FSCN2: variants seen among roughly 807,000 people sequenced by gnomAD.
FSCN2 encodes fascin actin-bundling protein 2, retinal.
In FSCN2, 46 loss-of-function variants were observed where a neutral mutation model predicts 37.8. The observed-to-expected ratio is 1.22, with a 90% CI of 0.96 to 1.56. The LOEUF (loss-of-function observed/expected upper bound fraction) is 1.56. Among genes scored for constraint, FSCN2 ranks in the 40% most tolerant of loss-of-function variants. The probability of loss-of-function intolerance (pLI) is 0.00; values close to 1 mark genes in which losing one functional copy is unlikely to be tolerated. For missense variants in FSCN2, 844 were observed against 730.4 expected, an observed-to-expected ratio of 1.16 and a Z score of -1.79; for synonymous variants, 351 against 309.4, an observed-to-expected ratio of 1.13 and a Z score of -1.41.
the FSCN2 span, among the ~76,000 whole-genome samples, chr17:81,522,055 GGAGTA>G: frequency 2.0e-5 from 3 of 152,064 alleles, no homozygotes; most frequent in Admixed American, 2.0e-4. Flanking sequence ...TGCCCAGGCT[GGAGTA>G]GAGTGGCACG....
In FSCN2 at chr17:81,531,497, G is replaced by GGTGATGATGATA. The variant is rs1568077534; in HGVS notation, c.826+2146_826+2147insATGATAGTGATG. On this transcript the variant is annotated intron_variant, in intron 1 of 4. Transcript: ENST00000417245. ...TGGTGGTGATGGTGATGATGGTGAT[G>GGTGATGATGATA]GTGATGGTGGTGATGGTGATGGTGG... Among the ~76,000 whole-genome samples, 126 of 140,656 alleles carry GGTGATGATGATA rather than the reference G, an allele frequency of 9.0e-4. 2 individuals carry two copies. Among genetic ancestry groups the GGTGATGATGATA allele is most frequent in the African/African-American group, 3.1e-3 (106 of 34,688 alleles). 92.3% of individuals were successfully genotyped at this position (140,656 alleles called of 152,430 possible). A position where few individuals can be genotyped will look rare whatever the true frequency, so the allele number is the denominator to read the frequency against.
intron 1 of FSCN2, among the ~76,000 whole-genome samples, chr17:81,533,280 G>A (rs2032756875): frequency 6.6e-6 from 1 of 152,196 alleles, no homozygotes; most frequent in Admixed American, 6.5e-5. Flanking sequence ...CAGACAGCAT[G>A]GCAGGCAGTG....
chr17:81,526,517 G>C (rs1186369298), upstream of FSCN2, among the ~76,000 whole-genome samples: 3 of 152,204 alleles, frequency 2.0e-5, no homozygotes, highest in Non-Finnish European at 4.4e-5. Context: ...TGTAATCCCA[G>C]CTACTTGGGA....
At chr17:81,531,644 G>T (rs1360413502) in intron 1 of FSCN2, among the ~76,000 whole-genome samples, 11 of 142,768 alleles carry the variant, frequency 7.7e-5, no homozygotes, top group African/African-American at 2.4e-4. Context: ...TGGTGGTGGT[G>T]GTGATGATAG....
the FSCN2 span, among the ~76,000 whole-genome samples, chr17:81,518,455 G>C: frequency 6.6e-6 from 1 of 152,038 alleles, no homozygotes. Context: ...GGAATAGAGA[G>C]GGAGGAGTTC....
At chr17:81,524,557 G>C (rs1456710881), upstream of FSCN2, among the ~76,000 whole-genome samples, 3 of 152,234 alleles carry the variant, frequency 2.0e-5, no homozygotes, top group Non-Finnish European at 2.9e-5. Context: ...TGGCAGGCAC[G>C]TGTGTATCCC....
intron 1 of FSCN2, among the ~76,000 whole-genome samples, chr17:81,532,712 G>C (rs1353482306): frequency 1.1e-5 from 1 of 90,200 alleles, no homozygotes; most frequent in Non-Finnish European, 2.3e-5. Context: ...TGATAGTGAT[G>C]GTGGTGGTGA....
At position 81,537,037 on chromosome 17, in the gene FSCN2, C is replaced by A; in HGVS notation, c.1436C>A (p.Ala479Asp). Residue 479 changes from alanine to aspartate, a missense_variant, in exon 5 of 5, where the codon GCC becomes GAC. Physicochemically the swap from Ala to Asp is moderately radical, Grantham distance 126. Coordinates refer to ENST00000417245, the MANE Select transcript of FSCN2 (RefSeq NM_012418.4). ...LRGGASGLLR[A>D]DADAPAGTAL... Reference sequence around the variant, plus strand: ...GGCGGCGCCTCGGGCCTGCTGCGGGCCGATGCCGACGCCCCGGCCGGGACC... The same window carrying A: ...GGCGGCGCCTCGGGCCTGCTGCGGGACGATGCCGACGCCCCGGCCGGGACC... The A allele has an allele frequency of 6.8e-7, 1 of 1,480,004 alleles. No homozygotes were observed. 91.7% of individuals were successfully genotyped at this position (1,480,004 alleles called of 1,614,324 possible).
rs1568077534 is a variant in FSCN2 at position 81,531,497 on chromosome 17, G to GGTGATGATA, written c.826+2146_826+2147insATAGTGATG. 2.1e-3 allele frequency among the ~76,000 whole-genome samples: 293 copies of GGTGATGATA among 140,652 alleles called. 2 individuals carry two copies. The highest frequency in any genetic ancestry group is 7.9e-3 in the African/African-American group (275 of 34,682). 92.3% of individuals were successfully genotyped at this position (140,652 alleles called of 152,430 possible). On this transcript the variant is annotated intron_variant, in intron 1 of 4. Transcript: ENST00000417245. ...TGGTGGTGATGGTGATGATGGTGAT[G>GGTGATGATA]GTGATGGTGGTGATGGTGATGGTGG...
chr17:81,521,811 A>C, the FSCN2 span, among the ~76,000 whole-genome samples: 1 of 152,226 alleles, frequency 6.6e-6, no homozygotes, highest in Non-Finnish European at 1.5e-5. Context: ...TCCTAAGAAC[A>C]AGGATGTTTT....
Position 81,528,927 on chromosome 17 carries a change from C to G in FSCN2, c.396C>G (p.Thr132=), listed in dbSNP as rs535269969. The G allele has an allele frequency of 9.4e-6, 15 of 1,591,576 alleles. No individual in the cohort carries two copies. In the South Asian group the frequency reaches 1.4e-4, roughly 14 times the overall value. ...ATAVSPAELW[T]VHLAIHPQAH... ...CCGTTTCCCCGGCCGAGCTGTGGAC[C>G]GTGCACCTGGCCATCCACCCGCAGG... The change falls in exon 1 of 5, where the codon ACC becomes ACG. Residue 132 remains threonine (T), a synonymous_variant. Coordinates refer to ENST00000417245, the MANE Select transcript of FSCN2 (RefSeq NM_012418.4).
the FSCN2 span, among the ~76,000 whole-genome samples, chr17:81,518,369 CT>C: frequency 6.6e-6 from 1 of 152,024 alleles, no homozygotes; most frequent in African/African-American, 2.4e-5. Context: ...GGCATAGCCC[CT>C]GTACCTGGCA....
At chr17:81,523,625 G>A (rs546266037), upstream of FSCN2, 3 of 152,702 alleles carry the variant, frequency 2.0e-5, no homozygotes, top group South Asian at 2.1e-4. Context: ...ACGGGGACAA[G>A]GGGGAGGGTG....
chr17:81,519,248 C>G, the FSCN2 span: 1 of 152,280 alleles, frequency 6.6e-6, no homozygotes, highest in Non-Finnish European at 1.5e-5. Context: ...GCCCCCTCCC[C>G]ACGCAGTCGA....
chr17:81,537,101 G>C lies in FSCN2; in HGVS notation c.*21G>C, dbSNP rs1177234042. 7.1e-7 allele frequency: 1 copy of C among 1,399,118 alleles called. No individual in the cohort carries two copies. The highest frequency in any genetic ancestry group is 9.2e-7 in the Non-Finnish European group (1 of 1,082,468). 86.7% of individuals were successfully genotyped at this position (1,399,118 alleles called of 1,614,324 possible). On this transcript the variant is annotated 3_prime_UTR_variant, in exon 5 of 5. Coordinates refer to ENST00000417245, the MANE Select transcript of FSCN2 (RefSeq NM_012418.4). ...ACTGAGGCCGCGCCCAGACCAGCCTGTCGCGCATTAAAACCGTGTCTCTCC... is the reference window on the plus strand; with the variant it reads ...ACTGAGGCCGCGCCCAGACCAGCCTCTCGCGCATTAAAACCGTGTCTCTCC...
At chr17:81,535,289 CATCCCCAT>C in intron 2 of FSCN2, 81 bp downstream of exon 2, 3 of 816,122 alleles carry the variant, frequency 3.7e-6, no homozygotes, top group Middle Eastern at 3.4e-4. Flanking sequence ...CCACCATCCG[CATCCCCAT>C]CTCCATCCCC....
At chr17:81,535,274 C>T (rs2032811650) in intron 2 of FSCN2, 66 bp downstream of exon 2, 3 of 1,081,830 alleles carry the variant, frequency 2.8e-6, no homozygotes, top group Non-Finnish European at 2.6e-6. Flanking sequence ...CCATCATCAC[C>T]ATCCCCACCA....
At position 81,528,539 on chromosome 17, in the gene FSCN2, C is replaced by T. The variant is rs1348139370; in HGVS notation, c.8C>T (p.Thr3Met). The change falls in exon 1 of 5, where the codon ACG becomes ATG. Residue 3 changes from threonine to methionine, a missense_variant. Coordinates refer to ENST00000417245, the MANE Select transcript of FSCN2 (RefSeq NM_012418.4). Reference sequence around the variant, plus strand: ...GACCCGGCCAGCCTGAAGATGCCGACGAACGGCCTGCACCAGGTGCTGAAG... The same window carrying T: ...GACCCGGCCAGCCTGAAGATGCCGATGAACGGCCTGCACCAGGTGCTGAAG... MP[T>M]NGLHQVLKIQ... is the part of the protein sequence containing the mutation. The T allele has an allele frequency of 2.5e-6, 4 of 1,593,506 alleles. No homozygotes were observed. Among genetic ancestry groups the T allele is most frequent in the Non-Finnish European group, 3.4e-6 (4 of 1,169,748 alleles).
At chr17:81,518,377 G>A in the FSCN2 span, among the ~76,000 whole-genome samples, 4 of 152,008 alleles carry the variant, frequency 2.6e-5, no homozygotes, top group Non-Finnish European at 5.9e-5. Context: ...CCCTGTACCT[G>A]GCATAGCCCC....
Sources: gnomAD v4.1 joint callset for allele counts (sites outside exome capture counted in the v4.1 genomes callset) on GRCh38, gnomAD v4.1.1 for gene constraint, MANE v1.5 for transcripts, NCBI Gene and HGNC (gene_info 2026-07-23, HGNC 2026-07-21) for gene names.